NELL1: variants seen among roughly 807,000 people sequenced by gnomAD.
NELL1 encodes the protein protein kinase C-binding protein NELL1.
A neutral mutation model predicts 107.4 loss-of-function variants in NELL1; 76 were observed. That is an observed-to-expected ratio of 0.71 (90% CI 0.59 to 0.86). The LOEUF is 0.86. Among genes scored for constraint, NELL1 ranks in the 40% least tolerant of loss-of-function variants. The pLI is 0.00. For missense variants in NELL1, 1,024 were observed against 1,005.5 expected (o/e 1.02, Z -0.25); for synonymous variants, 353 against 341.2 (o/e 1.03, Z -0.38).
chr11:20,783,605 C>T, intron 2 of NELL1, 75 bp from the exon 3 acceptor site: 1 of 1,053,124 alleles, frequency 9.5e-7, no homozygotes, highest in Non-Finnish European at 1.4e-6. Flanking sequence ...CCTCTTTCTC[C>T]TATATTTCTT....
At chr11:20,875,295 T>G (rs1416017812) in intron 4 of NELL1, among the ~76,000 whole-genome samples, 1 of 152,230 alleles carries the variant, frequency 6.6e-6, no homozygotes, top group African/African-American at 2.4e-5. Flanking sequence ...AAATTTCATC[T>G]GATTTGGCCC....
intron 14 of NELL1, among the ~76,000 whole-genome samples, chr11:21,304,127 A>C (rs1219031890): frequency 6.6e-6 from 1 of 152,040 alleles, no homozygotes; most frequent in African/African-American, 2.4e-5. Context: ...TGCTCATTTA[A>C]TTTTAATTTC....
intron 12 of NELL1, among the ~76,000 whole-genome samples, chr11:21,082,739 T>C (rs1854299142): frequency 6.6e-6 from 1 of 152,212 alleles, no homozygotes; most frequent in South Asian, 2.1e-4. Flanking sequence ...ACAGTTAATT[T>C]TTCCTACACA....
intron 14 of NELL1, among the ~76,000 whole-genome samples, chr11:21,278,592 G>A (rs150832260): frequency 0.01 from 1,586 of 152,052 alleles, 18 homozygotes; most frequent in Middle Eastern, 0.031. Context: ...AAACATGGAC[G>A]AGATCTATAA....
At chr11:20,851,558 A>G (rs12284161) in intron 4 of NELL1, among the ~76,000 whole-genome samples, 4,528 of 152,250 alleles carry the variant, frequency 0.03, 86 homozygotes, top group Middle Eastern at 0.054. Context: ...TTCTCAGCTC[A>G]CTTTACAGCC....
chr11:21,483,870 C>G, intron 15 of NELL1, among the ~76,000 whole-genome samples: 1 of 16,728 alleles, frequency 6.0e-5, no homozygotes, highest in African/African-American at 9.0e-5. Context: ...CATATACAAA[C>G]ACACACACAC....
intron 14 of NELL1, among the ~76,000 whole-genome samples, chr11:21,290,410 A>G (rs141795443): frequency 0.25 from 37,249 of 150,622 alleles, 5,652 homozygotes; most frequent in Middle Eastern, 0.37. Flanking sequence ...TAAATAAATA[A>G]ATAAATAAAT....
intron 14 of NELL1, among the ~76,000 whole-genome samples, chr11:21,336,992 A>G (rs936831662): frequency 1.3e-5 from 2 of 152,190 alleles, no homozygotes; most frequent in African/African-American, 4.8e-5. Flanking sequence ...CAGTTAAACA[A>G]TATGTGACCA....
intron 2 of NELL1, among the ~76,000 whole-genome samples, chr11:20,708,895 T>A (rs759491173): frequency 8.5e-5 from 13 of 152,138 alleles, no homozygotes; most frequent in Non-Finnish European, 1.9e-4. Flanking sequence ...CAGGCGATGG[T>A]TTCAGGATGA....
At chr11:20,805,837 G>A (rs776735764) in intron 3 of NELL1, among the ~76,000 whole-genome samples, 2 of 152,202 alleles carry the variant, frequency 1.3e-5, no homozygotes, top group Admixed American at 6.5e-5. Context: ...ACTTAACACC[G>A]AGTACATAAA....
At chr11:21,453,947 CTT>C (rs1290599565) in intron 15 of NELL1, among the ~76,000 whole-genome samples, 1 of 128,790 alleles carries the variant, frequency 7.8e-6, no homozygotes, top group Admixed American at 7.9e-5. Flanking sequence ...CTTTACTTTA[CTT>C]TAAGTTTTAG....
At chr11:21,473,036 G>A (rs908605170) in intron 15 of NELL1, among the ~76,000 whole-genome samples, 1 of 152,004 alleles carries the variant, frequency 6.6e-6, no homozygotes, top group Admixed American at 6.6e-5. Context: ...CAGGAAAGTA[G>A]GAACTAAAAT....
At chr11:20,707,119 A>G (rs1854984218) in intron 2 of NELL1, among the ~76,000 whole-genome samples, 1 of 152,110 alleles carries the variant, frequency 6.6e-6, no homozygotes, top group African/African-American at 2.4e-5. Flanking sequence ...TTTGGTCTTC[A>G]ATCACTGATA....
chr11:20,885,578 A>G (rs753059917), intron 5 of NELL1, 38 bp downstream of exon 5: 1 of 1,222,376 alleles, frequency 8.2e-7, no homozygotes, highest in South Asian at 1.2e-5. Flanking sequence ...GTATATATAT[A>G]GGCGATGCTC....
At chr11:21,505,874 T>C (rs1488144823) in intron 15 of NELL1, among the ~76,000 whole-genome samples, 1 of 152,180 alleles carries the variant, frequency 6.6e-6, no homozygotes, top group Non-Finnish European at 1.5e-5. Context: ...ATATCTTCTG[T>C]GCCCAGTTTT....
intron 12 of NELL1, among the ~76,000 whole-genome samples, chr11:21,101,351 C>T (rs1055956705): frequency 7.9e-5 from 12 of 152,128 alleles, no homozygotes; most frequent in Non-Finnish European, 1.3e-4. Flanking sequence ...TGGGTATATA[C>T]CCAGTAATGG....
chr11:20,784,403 A>C (rs1311716433), intron 3 of NELL1, among the ~76,000 whole-genome samples: 3 of 152,240 alleles, frequency 2.0e-5, no homozygotes, highest in Non-Finnish European at 2.9e-5. Flanking sequence ...AGTATTCTAC[A>C]TGCTGAATGC....
At chr11:21,420,612 G>A (rs1852640897) in intron 15 of NELL1, among the ~76,000 whole-genome samples, 1 of 152,102 alleles carries the variant, frequency 6.6e-6, no homozygotes, top group Admixed American at 6.6e-5. Context: ...GAGGAAGACG[G>A]CATGAAAATT....
intron 14 of NELL1, among the ~76,000 whole-genome samples, chr11:21,368,341 C>G (rs1173459305): frequency 7.3e-6 from 1 of 137,688 alleles, no homozygotes; most frequent in South Asian, 2.4e-4. Flanking sequence ...GCGACATGTG[C>G]AATTTAGGCA....
Sources: allele counts gnomAD v4.1 joint callset (sites outside exome capture counted in the v4.1 genomes callset), GRCh38; gene constraint gnomAD v4.1.1; transcripts MANE v1.5; gene names NCBI Gene and HGNC (gene_info 2026-07-23, HGNC 2026-07-21).